Variants in DDX43 observed in about 807,000 individuals in gnomAD.
DDX43 encodes DEAD-box helicase 43.
Under a neutral mutation model 84.9 loss-of-function variants are expected in DDX43, and 50 were observed. That is an observed-to-expected ratio of 0.59 (90% CI 0.47 to 0.75). The LOEUF is 0.75. Among genes scored for constraint, DDX43 ranks in the 30% least tolerant of loss-of-function variants. The pLI is 0.00. For missense variants in DDX43, 689 were observed against 798.6 expected, an observed-to-expected ratio of 0.86 and a Z score of 1.65; for synonymous variants, 291 against 266.3, an observed-to-expected ratio of 1.09 and a Z score of -0.90.
chr6:73,397,854 G>A (rs1769502000), intron 2 of DDX43, 110 bp downstream of exon 2: 1 of 935,122 alleles, frequency 1.1e-6, no homozygotes, highest in South Asian at 1.4e-5. Context: ...CCAGGCTGGA[G>A]TGCAGTGACG....
At chr6:73,403,838 A>G (rs1027287803) in intron 4 of DDX43, among the ~76,000 whole-genome samples, 1 of 149,228 alleles carries the variant, frequency 6.7e-6, no homozygotes, top group Non-Finnish European at 1.5e-5. Context: ...TTTTTTTTAA[A>G]TGGAGTTTCG....
In DDX43 at chr6:73,409,142, G is replaced by A. The variant is rs1227654032; in HGVS notation, c.1180-106G>A. ...ATTAGAATCGTGGCTTAAGTAATAG[G>A]GGAAATGAGAAAAGCCTTTCTTAGT... On this transcript the variant is annotated intron_variant, in intron 9 of 16. Coordinates refer to ENST00000370336, the MANE Select transcript of DDX43 (RefSeq NM_018665.3). 3 of 824,088 alleles carry A rather than the reference G, an allele frequency of 3.6e-6. No homozygotes were observed. In the African/African-American group the frequency reaches 5.1e-5, roughly 14 times the overall value. 51.0% of individuals were successfully genotyped at this position (824,088 alleles called of 1,614,324 possible).
In DDX43 at chr6:73,395,030, G is replaced by T. The variant is rs762493306; in HGVS notation, c.125G>T (p.Gly42Val). The change falls in exon 1 of 17, where the codon GGA (glycine) becomes GTA (valine). Residue 42 changes from glycine (G) to valine (V), a missense_variant. Physicochemically the swap from Gly to Val is moderately radical, Grantham distance 109. Transcript: ENST00000370336. ...GAGTTGAATCGAACAGGTCCTGAGGGATATAGTGTCGGCAGAGGTGGTCGC... is the reference window on the plus strand; with the variant it reads ...GAGTTGAATCGAACAGGTCCTGAGGTATATAGTGTCGGCAGAGGTGGTCGC... ...AEELNRTGPE[G>V]YSVGRGGRWR... 12 of 1,614,260 alleles carry T rather than the reference G, an allele frequency of 7.4e-6. No homozygotes were observed. Among genetic ancestry groups the T allele is most frequent in the Non-Finnish European group, 9.3e-6 (11 of 1,180,042 alleles).
chr6:73,395,527 T>G (rs1329791190), intron 1 of DDX43, among the ~76,000 whole-genome samples: 2 of 151,054 alleles, frequency 1.3e-5, no homozygotes, highest in Non-Finnish European at 2.9e-5. Context: ...GGCAGGAGAA[T>G]GGCTTGAACC....
Position 73,401,926 on chromosome 6 carries a change from G to A in DDX43, c.504G>A (p.Arg168=), listed in dbSNP as rs772933267. 6.2e-7 allele frequency: 1 copy of A among 1,614,094 alleles called. No individual in the cohort carries two copies. Among genetic ancestry groups the A allele is most frequent in the South Asian group, 1.1e-5 (1 of 91,076 alleles). ...STDNNVVAGD[R]PLIDWDQIRE... Reference sequence around the variant, plus strand: ...ATAACAATGTTGTTGCAGGAGATCGGCCATTGATAGATTGGGATCAAATTA... The same window carrying A: ...ATAACAATGTTGTTGCAGGAGATCGACCATTGATAGATTGGGATCAAATTA... The change falls in exon 4 of 17, where the codon CGG becomes CGA. Residue 168 remains arginine, a synonymous_variant. Coordinates refer to ENST00000370336, the MANE Select transcript of DDX43 (RefSeq NM_018665.3).
rs1183370048 is a variant in DDX43, at chr6:73,394,929, C to G, written c.24C>G (p.Pro8=). 1.9e-6 allele frequency: 3 copies of G among 1,614,252 alleles called. No individual in the cohort carries two copies. In the South Asian group the frequency reaches 3.3e-5, roughly 18 times the overall value. Residue 8 remains proline, a synonymous_variant, in exon 1 of 17, where the codon CCC becomes CCG. Transcript: ENST00000370336. The part of the protein sequence containing the change: MSHHGGA[P]KASTWVVASR... ...CAATGTCCCACCACGGAGGAGCTCC[C>G]AAGGCCTCTACGTGGGTCGTTGCTA...
chr6:73,397,600 A>C (rs928862461), intron 1 of DDX43, 89 bp from the exon 2 acceptor site: 1 of 1,027,434 alleles, frequency 9.7e-7, no homozygotes, highest in African/African-American at 1.6e-5. Context: ...GGGGGGAAGA[A>C]CTAGAGAATG....
In DDX43 at chr6:73,395,036, G is replaced by C. The variant is rs771739701; in HGVS notation, c.131G>C (p.Ser44Thr). ...ELNRTGPEGY[S>T]VGRGGRWRGT... ...AATCGAACAGGTCCTGAGGGATATA[G>C]TGTCGGCAGAGGTGGTCGCTGGAGA... Residue 44 changes from serine to threonine, a missense_variant, in exon 1 of 17, where the codon AGT becomes ACT. Ser to Thr is a moderately conservative substitution (Grantham distance 58). Coordinates refer to ENST00000370336, the MANE Select transcript of DDX43 (RefSeq NM_018665.3). 3 of 1,614,130 alleles carry C rather than the reference G, an allele frequency of 1.9e-6. No individual in the cohort carries two copies. The African/African-American group carries it at 4.0e-5, about 22-fold the overall frequency.
intron 4 of DDX43, 35 bp from the exon 5 acceptor site, chr6:73,404,655 A>G: frequency 1.3e-6 from 2 of 1,501,416 alleles, no homozygotes; most frequent in East Asian, 2.3e-5. Flanking sequence ...ATGCTGTAAA[A>G]TTTATCAAAG....
At chr6:73,400,079 A>G (rs1238903757) in intron 2 of DDX43, among the ~76,000 whole-genome samples, 155 bp from the exon 3 acceptor site, 1 of 152,194 alleles carries the variant, frequency 6.6e-6, no homozygotes, top group Non-Finnish European at 1.5e-5. Flanking sequence ...CTCTAACTAG[A>G]AATTTAGACA....
At position 73,406,575 on chromosome 6, in the gene DDX43, C is replaced by A. The variant is rs1769688379; in HGVS notation, c.926+93C>A. Reference sequence around the variant, plus strand: ...AAAGTTTCTTTACCTATTGCTTGATCCAAAGGTAATGCCTAGCTTCAGAGA... The same window carrying A: ...AAAGTTTCTTTACCTATTGCTTGATACAAAGGTAATGCCTAGCTTCAGAGA... On this transcript the variant is annotated intron_variant, in intron 7 of 16. Coordinates refer to ENST00000370336, the MANE Select transcript of DDX43 (RefSeq NM_018665.3). The A allele has an allele frequency of 3.9e-6, 3 of 760,276 alleles. No individual in the cohort carries two copies. The South Asian group carries it at 5.3e-5, about 13-fold the overall frequency. The allele number at this position is 760,276 out of a possible 1,614,324, so 47.1% of individuals were successfully genotyped here.
Position 73,394,849 on chromosome 6 carries a change from G to A in DDX43, c.-57G>A, listed in dbSNP as rs1769427449. The A allele has an allele frequency of 2.5e-6, 4 of 1,588,334 alleles. No homozygotes were observed. In the Admixed American group the frequency reaches 5.2e-5, roughly 21 times the overall value. Reference sequence around the variant, plus strand: ...TGGCACGCTACTCTTACGACGTCACGGTCAGGTGGTGCAGAGCTGGACGGC... The same window carrying A: ...TGGCACGCTACTCTTACGACGTCACAGTCAGGTGGTGCAGAGCTGGACGGC... On this transcript the variant is annotated 5_prime_UTR_variant, in exon 1 of 17. Coordinates refer to ENST00000370336, the MANE Select transcript of DDX43 (RefSeq NM_018665.3).
intron 12 of DDX43, 52 bp from the exon 13 acceptor site, chr6:73,413,918 T>G (rs1354364335): frequency 5.2e-6 from 8 of 1,529,726 alleles, no homozygotes; most frequent in Non-Finnish European, 7.2e-6. Flanking sequence ...GAAGTAAAAC[T>G]GGTGGCATTA....
At position 73,407,607 on chromosome 6, in the gene DDX43, G is replaced by T. The variant is rs1769708776; in HGVS notation, c.1029G>T (p.Gly343=). ...EGECCKYSYK[G]LRSVCVYGGG... ...AATGTTGCAAATATTCATATAAAGG[G>T]CTTCGGAGGTAAGTAATTTTTTTTC... The change falls in exon 8 of 17, where the codon GGG becomes GGT. Residue 343 remains glycine, a synonymous_variant. Coordinates refer to ENST00000370336, the MANE Select transcript of DDX43 (RefSeq NM_018665.3). The T allele has an allele frequency of 1.2e-6, 2 of 1,605,338 alleles. No individual in the cohort carries two copies. The highest frequency in any genetic ancestry group is 8.5e-7 in the Non-Finnish European group (1 of 1,173,760).
At chr6:73,400,116 T>C in intron 2 of DDX43, 118 bp from the exon 3 acceptor site, 2 of 800,300 alleles carry the variant, frequency 2.5e-6, no homozygotes, top group South Asian at 4.4e-5. Context: ...CTGTATTTAC[T>C]TTATACTGTA....
At chr6:73,413,575 A>G (rs1582642111) in intron 11 of DDX43, 83 bp from the exon 12 acceptor site, 1 of 1,333,136 alleles carries the variant, frequency 7.5e-7, no homozygotes, top group East Asian at 2.4e-5. Flanking sequence ...CCAATGAGAG[A>G]GAAGATGCAT....
At chr6:73,397,567 AT>A in intron 1 of DDX43, 121 bp from the exon 2 acceptor site, 12 of 776,650 alleles carry the variant, frequency 1.5e-5, no homozygotes, top group South Asian at 8.8e-5. Context: ...ACAAAAAATG[AT>A]TGTTGAACCC....
chr6:73,412,403 T>C lies in DDX43; in HGVS notation c.1368+111T>C, dbSNP rs1348707451. ...CCCCAATTTTAGGGCAAATCACACTTGCATATAGTTTTAATAGAGCTGTAA... is the reference window on the plus strand; with the variant it reads ...CCCCAATTTTAGGGCAAATCACACTCGCATATAGTTTTAATAGAGCTGTAA... On this transcript the variant is annotated intron_variant, in intron 11 of 16. Coordinates refer to ENST00000370336, the MANE Select transcript of DDX43 (RefSeq NM_018665.3). 11 of 743,044 alleles carry C rather than the reference T, an allele frequency of 1.5e-5. No homozygotes were observed. In the East Asian group the frequency reaches 2.8e-4, roughly 19 times the overall value. 46.0% of individuals were successfully genotyped at this position (743,044 alleles called of 1,614,324 possible).
Position 73,394,949 on chromosome 6 carries a change from T to C in DDX43, c.44T>C (p.Val15Ala), listed in dbSNP as rs375793748. The C allele has an allele frequency of 2.4e-5, 39 of 1,614,110 alleles. 1 individual carries two copies. Among genetic ancestry groups the C allele is most frequent in the Admixed American group, 6.7e-5 (4 of 60,014 alleles). ...GCTCCCAAGGCCTCTACGTGGGTCG[T>C]TGCTAGTCGGCGAAGCTCGACAGTG... is the stretch of plus-strand genomic sequence containing the variant. ...GGAPKASTWVVASRRSSTVSR... is the reference protein window; with the variant it reads ...GGAPKASTWVAASRRSSTVSR... Residue 15 changes from valine (V) to alanine (A), a missense_variant, in exon 1 of 17, where the codon GTT becomes GCT. Transcript: ENST00000370336.
Sources: gnomAD v4.1 joint callset for allele counts (sites outside exome capture counted in the v4.1 genomes callset) on GRCh38, gnomAD v4.1.1 for gene constraint, MANE v1.5 for transcripts, NCBI Gene and HGNC (gene_info 2026-07-23, HGNC 2026-07-21) for gene names.